Variants in MACROD2 observed in about 807,000 individuals in gnomAD.
The protein encoded by MACROD2 is ADP-ribose glycohydrolase MACROD2.
A neutral mutation model predicts 70.4 loss-of-function variants in MACROD2; 36 were observed. The ratio of observed to expected loss-of-function variants is 0.51; its 90% CI spans 0.39 to 0.68. The LOEUF (loss-of-function observed/expected upper bound fraction) is 0.68, where lower values mean the gene tolerates loss of function less well. MACROD2 is among the 30% of genes least tolerant of loss of function. The pLI, the probability that MACROD2 is intolerant of heterozygous loss-of-function variation, is 0.00. For missense variants in MACROD2, 496 were observed against 538.4 expected, an observed-to-expected ratio of 0.92 and a Z score of 0.78; for synonymous variants, 172 against 178.8, an observed-to-expected ratio of 0.96 and a Z score of 0.30.
intron 3 of MACROD2, among the ~76,000 whole-genome samples, chr20:14,202,443 T>C (rs2081487168): frequency 6.6e-6 from 1 of 152,224 alleles, no homozygotes; most frequent in African/African-American, 2.4e-5. Flanking sequence ...ACTTTAGTTA[T>C]TTTTACTCCA....
At chr20:15,009,889 A>G (rs1271427133) in intron 5 of MACROD2, among the ~76,000 whole-genome samples, 1 of 149,302 alleles carries the variant, frequency 6.7e-6, no homozygotes. Context: ...AAGTGCTTTT[A>G]TTCTCTCTTC....
chr20:14,837,152 T>C (rs1313180441), intron 5 of MACROD2, among the ~76,000 whole-genome samples: 1 of 152,018 alleles, frequency 6.6e-6, no homozygotes, highest in Non-Finnish European at 1.5e-5. Context: ...GTGTTTATTA[T>C]GTATGCATAA....
intron 4 of MACROD2, among the ~76,000 whole-genome samples, chr20:14,624,474 T>C (rs1984015634): frequency 6.6e-6 from 1 of 152,236 alleles, no homozygotes; most frequent in African/African-American, 2.4e-5. Context: ...ATCTGGCATC[T>C]CTTGTGCAAA....
chr20:14,849,875 C>T (rs2073180765), intron 5 of MACROD2: 1 of 475,040 alleles, frequency 2.1e-6, no homozygotes, highest in Non-Finnish European at 4.1e-6. Flanking sequence ...GCTCCTAACC[C>T]TTACTCTGGC....
chr20:14,956,925 G>A (rs559214304), intron 5 of MACROD2, among the ~76,000 whole-genome samples: 2 of 152,084 alleles, frequency 1.3e-5, no homozygotes, highest in East Asian at 1.9e-4. Context: ...CTCAGACTTC[G>A]GTCACATGCC....
At chr20:15,287,955 C>T (rs566364362) in intron 6 of MACROD2, among the ~76,000 whole-genome samples, 1 of 152,296 alleles carries the variant, frequency 6.6e-6, no homozygotes, top group East Asian at 1.9e-4. Flanking sequence ...ATCAGGAACA[C>T]TCTGCCTTGT....
chr20:15,262,851 T>C (rs1430585281), intron 6 of MACROD2, among the ~76,000 whole-genome samples: 3 of 152,132 alleles, frequency 2.0e-5, no homozygotes, highest in African/African-American at 7.2e-5. Flanking sequence ...TGTCTTCTTT[T>C]GAGAAATGTC....
intron 5 of MACROD2, among the ~76,000 whole-genome samples, chr20:14,752,297 A>C (rs2071884027): frequency 6.6e-6 from 1 of 152,040 alleles, no homozygotes; most frequent in Non-Finnish European, 1.5e-5. Flanking sequence ...TAAAACATTT[A>C]TAATTATTCC....
chr20:15,026,230 C>T (rs1233181344), intron 5 of MACROD2, among the ~76,000 whole-genome samples: 1 of 152,088 alleles, frequency 6.6e-6, no homozygotes, highest in South Asian at 2.1e-4. Flanking sequence ...AGGCATTTAC[C>T]ATTGTTTAAG....
chr20:14,145,784 G>A (rs1022495338), intron 3 of MACROD2, among the ~76,000 whole-genome samples: 5 of 152,258 alleles, frequency 3.3e-5, no homozygotes, highest in Admixed American at 3.3e-4. Flanking sequence ...GAGAGTTTGA[G>A]CTTCCTAAAG....
intron 2 of MACROD2, among the ~76,000 whole-genome samples, chr20:14,035,353 G>A (rs2148635291): frequency 6.6e-6 from 1 of 152,230 alleles, no homozygotes. Flanking sequence ...CTGTTTAGGA[G>A]CACTTATTTT....
At chr20:15,478,485 C>T (rs891784544) in intron 7 of MACROD2, among the ~76,000 whole-genome samples, 10 of 152,108 alleles carry the variant, frequency 6.6e-5, no homozygotes, top group Non-Finnish European at 1.5e-5. Flanking sequence ...GATGGGTGCA[C>T]TGGAATTACC....
rs150821252 is a variant in MACROD2, at chr20:14,603,139, T to C, written c.302-81704T>C. On this transcript the variant is annotated intron_variant, in intron 4 of 17. Transcript: ENST00000684519. ...TTTTTAAGAGACTGTAAAGTGTTAC[T>C]TTGTTTTTCATTTATTTTTATCTCT... 4.5e-3 allele frequency among the ~76,000 whole-genome samples: 691 copies of C among 152,346 alleles called. 3 individuals are homozygous for C. Among genetic ancestry groups the C allele is most frequent in the African/African-American group, 0.015 (618 of 41,572 alleles).
intron 5 of MACROD2, among the ~76,000 whole-genome samples, chr20:14,996,681 TG>T (rs1186446674): frequency 6.6e-6 from 1 of 152,088 alleles, no homozygotes. Flanking sequence ...AGAGATAATT[TG>T]TGCTTGGGAA....
intron 8 of MACROD2, among the ~76,000 whole-genome samples, chr20:15,724,065 G>GCCATT: frequency 6.6e-6 from 1 of 152,132 alleles, no homozygotes; most frequent in South Asian, 2.1e-4. Flanking sequence ...ATGTCTATTT[G>GCCATT]CCATTCTTTG....
chr20:14,286,761 T>G (rs1277318943), intron 3 of MACROD2, among the ~76,000 whole-genome samples: 2 of 152,136 alleles, frequency 1.3e-5, no homozygotes, highest in Non-Finnish European at 2.9e-5. Context: ...CTCGAAATGC[T>G]CTGAAAGATG....
At chr20:15,675,041 G>A (rs540516103) in intron 8 of MACROD2, among the ~76,000 whole-genome samples, 1 of 152,204 alleles carries the variant, frequency 6.6e-6, no homozygotes, top group Admixed American at 6.5e-5. Flanking sequence ...GTTCTGCCCT[G>A]CTCTAGATAT....
intron 9 of MACROD2, among the ~76,000 whole-genome samples, chr20:15,867,414 A>C (rs138878041): frequency 2.6e-5 from 4 of 152,264 alleles, no homozygotes; most frequent in Non-Finnish European, 5.9e-5. Flanking sequence ...AGCACATTTG[A>C]CTTTTTCCTT....
intron 3 of MACROD2, among the ~76,000 whole-genome samples, chr20:14,488,423 G>T (rs2084759064): frequency 6.6e-6 from 1 of 152,094 alleles, no homozygotes; most frequent in Admixed American, 6.5e-5. Context: ...CTCTCATTTT[G>T]CATTAGATGC....
Sources: gnomAD v4.1 joint callset for allele counts (sites outside exome capture counted in the v4.1 genomes callset) on GRCh38, gnomAD v4.1.1 for gene constraint, MANE v1.5 for transcripts, NCBI Gene and HGNC (gene_info 2026-07-23, HGNC 2026-07-21) for gene names.